The following ZNF473 variants were observed in gnomAD, a reference collection of about 807,000 sequenced individuals.
ZNF473 encodes zinc finger protein 473.
A neutral mutation model predicts 11.1 loss-of-function variants in ZNF473; 4 were observed. The observed-to-expected ratio is 0.36, with a 90% confidence interval of 0.18 to 0.82. The LOEUF (loss-of-function observed/expected upper bound fraction) is 0.82. Among genes scored for constraint, ZNF473 ranks in the 40% least tolerant of loss-of-function variants. The pLI, the probability that ZNF473 is intolerant of heterozygous loss-of-function variation, is 0.49. For synonymous variants in ZNF473, 404 were observed against 390.4 expected (o/e 1.03, Z -0.41); for missense variants, 854 against 1,084.0 (o/e 0.79, Z 2.98).
At chr19:50,038,041 C>T (rs1208038749) in intron 2 of ZNF473, among the ~76,000 whole-genome samples, 6 of 143,922 alleles carry the variant, frequency 4.2e-5, no homozygotes, top group Middle Eastern at 7.4e-3. Context: ...CAGGGTCTCA[C>T]TGTCCCCCAG....
Position 50,030,918 on chromosome 19 carries a change from C to T in ZNF473, c.-165C>T, listed in dbSNP as rs2122802533. The T allele has an allele frequency of 2.1e-6, 2 of 959,698 alleles. No homozygotes were observed. The highest frequency in any genetic ancestry group is 1.6e-5 in the African/African-American group (1 of 61,972). 59.4% of individuals were successfully genotyped at this position (959,698 alleles called of 1,614,324 possible). The stretch of plus-strand genomic sequence containing the variant: ...GAGACTCACATTGGGACTTGTCCTC[C>T]TCCTCCTGGACATTTTGGGGGCTCG... On this transcript the variant is annotated 5_prime_UTR_variant, in exon 2 of 5. Coordinates refer to ENST00000270617, the MANE Select transcript of ZNF473 (RefSeq NM_015428.4).
chr19:50,046,202 G>A lies in ZNF473; in HGVS notation c.1759G>A (p.Gly587Arg). The A allele has an allele frequency of 6.2e-7, 1 of 1,614,142 alleles. No individual in the cohort carries two copies. The highest frequency in any genetic ancestry group is 8.5e-7 in the Non-Finnish European group (1 of 1,180,034). Residue 587 changes from glycine (G) to arginine (R), a missense_variant, in exon 5 of 5, where the codon GGA becomes AGA. Physicochemically the swap from Gly to Arg is moderately radical, Grantham distance 125. Around this residue, in one of 2 missense-constraint regions of ZNF473, gnomAD observed 668 missense variants for 790.2 expected, o/e 0.85. Coordinates refer to ENST00000270617, the MANE Select transcript of ZNF473 (RefSeq NM_015428.4). This position sits in a 1 kb window ranked among gnomAD's most constrained non-coding sequence, Gnocchi z 5.9. ...TCAGCACGAGAGGATTCACACCAGG[G>A]GAGTGAAGCCCTTTGAATGTGACCA... The part of the protein sequence containing the change: ...LTQHERIHTR[G>R]VKPFECDQCG...
At chr19:50,034,342 A>G (rs1249625234) in intron 2 of ZNF473, among the ~76,000 whole-genome samples, 1 of 151,900 alleles carries the variant, frequency 6.6e-6, no homozygotes, top group East Asian at 1.9e-4. Context: ...TGCCCTTCTC[A>G]CCTTCTGTCT....
Position 50,045,436 on chromosome 19 carries a change from G to A in ZNF473, c.993G>A (p.Arg331=), listed in dbSNP as rs756670722. ...ACGAATGCGGCAAGGCTTTTACCCG[G>A]ATCTTCCACCTTACTCGGCACCAGA... ...NCNECGKAFT[R]IFHLTRHQKI... The change falls in exon 5 of 5, where the codon CGG becomes CGA. Residue 331 remains arginine, a synonymous_variant. Transcript: ENST00000270617. The A allele has an allele frequency of 1.9e-6, 3 of 1,613,912 alleles. No individual in the cohort carries two copies. The highest frequency in any genetic ancestry group is 1.7e-5 in the Admixed American group (1 of 59,996).
chr19:50,039,148 T>A lies in ZNF473; in HGVS notation c.10-13T>A. On this transcript the variant is annotated splice_polypyrimidine_tract_variant and intron_variant, in intron 2 of 4. Transcript: ENST00000270617. This position sits in a 1 kb window ranked among gnomAD's most constrained non-coding sequence, Gnocchi z 4.8. ...CCCAGCCTCTGAGTGACCAATAGTG[T>A]ACTGTGTTTCAGGAATTTGTGACCC... 6.2e-7 allele frequency: 1 copy of A among 1,613,814 alleles called. No individual in the cohort carries two copies. Among genetic ancestry groups the A allele is most frequent in the Non-Finnish European group, 8.5e-7 (1 of 1,179,758 alleles).
At chr19:50,036,639 A>G (rs1978464750) in intron 2 of ZNF473, among the ~76,000 whole-genome samples, 1 of 152,046 alleles carries the variant, frequency 6.6e-6, no homozygotes, top group African/African-American at 2.4e-5. Flanking sequence ...GGGGCCTTTA[A>G]GAGATGATTA....
intron 2 of ZNF473, among the ~76,000 whole-genome samples, chr19:50,036,188 G>A (rs986041434): frequency 2.2e-4 from 34 of 151,896 alleles, no homozygotes; most frequent in African/African-American, 8.2e-4. Flanking sequence ...TCAAACTCCT[G>A]AGCTCAAGCA....
rs746517288 is a variant in ZNF473, at chr19:50,046,964, CT to C, written c.2524del (p.Tyr842IlefsTer48). 1 of 1,614,178 alleles carries C rather than the reference CT, an allele frequency of 6.2e-7. No homozygotes were observed. The highest frequency in any genetic ancestry group is 8.5e-7 in the Non-Finnish European group (1 of 1,180,032). On this transcript the variant is annotated frameshift_variant, in exon 5 of 5. Transcript: ENST00000270617. LOFTEE classifies it low-confidence loss of function (END_TRUNC). This position sits in a 1 kb window ranked among gnomAD's most constrained non-coding sequence, Gnocchi z 5.9. ...QHLRVHTQET[L>X]YQCQRCQKAF... is the part of the protein sequence containing the mutation. ...CCTGAGAGTTCACACCCAGGAGACA[CT>C]TTATCAGTGTCAACGTTGCCAGAAA...
rs1196972804 is a variant in ZNF473 at position 50,046,304 on chromosome 19, T to A, written c.1861T>A (p.Trp621Arg). The change falls in exon 5 of 5, where the codon TGG (tryptophan) becomes AGG (arginine). Residue 621 changes from tryptophan (W) to arginine (R), a missense_variant. Physicochemically the swap from Trp to Arg is moderately radical, Grantham distance 101 (BLOSUM62 -3). This residue lies in a region of ZNF473 where 668 missense variants were observed against 790.2 expected (regional missense o/e 0.85). Transcript: ENST00000270617. The surrounding 1 kb of genome is among the most constrained non-coding windows in gnomAD (Gnocchi z 5.9). ...RIHSRVRLYK[W>R]GEQGKAISSA... is the part of the protein sequence containing the mutation. ...CCACTCTAGAGTGAGGCTGTATAAATGGGGTGAGCAAGGGAAAGCCATCAG... is the reference window on the plus strand; with the variant it reads ...CCACTCTAGAGTGAGGCTGTATAAAAGGGGTGAGCAAGGGAAAGCCATCAG... 1 of 1,614,012 alleles carries A rather than the reference T, an allele frequency of 6.2e-7. No individual in the cohort carries two copies. The highest frequency in any genetic ancestry group is 8.5e-7 in the Non-Finnish European group (1 of 1,180,020).
At chr19:50,037,838 A>G (rs1017449474) in intron 2 of ZNF473, among the ~76,000 whole-genome samples, 6 of 150,504 alleles carry the variant, frequency 4.0e-5, no homozygotes, top group African/African-American at 1.5e-4. Flanking sequence ...CTCTCTCTGT[A>G]TATATAATAT....
intron 1 of ZNF473, among the ~76,000 whole-genome samples, chr19:50,029,662 T>C (rs923604026): frequency 3.3e-5 from 5 of 152,226 alleles, no homozygotes; most frequent in African/African-American, 1.2e-4. Flanking sequence ...TGGGTAAAAA[T>C]GTCTGTGGTA....
rs764871414 is a variant in ZNF473, at chr19:50,039,318, C to T, written c.136+31C>T. On this transcript the variant is annotated intron_variant, in intron 3 of 4. Transcript: ENST00000270617. This position sits in a 1 kb window ranked among gnomAD's most constrained non-coding sequence, Gnocchi z 4.8. ...TGTTGCCTGTCCCCAGGGGCCTACTCACTGCCCTGCTTGGTGATCACCCAT... is the reference window on the plus strand; with the variant it reads ...TGTTGCCTGTCCCCAGGGGCCTACTTACTGCCCTGCTTGGTGATCACCCAT... The T allele has an allele frequency of 1.9e-6, 3 of 1,612,566 alleles. No homozygotes were observed. Among genetic ancestry groups the T allele is most frequent in the South Asian group, 2.2e-5 (2 of 90,932 alleles).
At chr19:50,032,217 T>C (rs2077322116) in intron 2 of ZNF473, among the ~76,000 whole-genome samples, 2 of 149,548 alleles carry the variant, frequency 1.3e-5, no homozygotes, top group Non-Finnish European at 3.0e-5. Context: ...AGTCTGGGAG[T>C]GTGAGGAAAG....
intron 1 of ZNF473, among the ~76,000 whole-genome samples, chr19:50,027,965 A>C (rs546732635): frequency 6.6e-6 from 1 of 152,248 alleles, no homozygotes; most frequent in Admixed American, 6.5e-5. Flanking sequence ...CTGGGATGGC[A>C]GGCATGAGCC....
At chr19:50,032,207 A>C (rs1479646472) in intron 2 of ZNF473, among the ~76,000 whole-genome samples, 1 of 150,274 alleles carries the variant, frequency 6.7e-6, no homozygotes, top group Non-Finnish European at 1.5e-5. Flanking sequence ...TGTCCAGCGC[A>C]GTCTGGGAGT....
In ZNF473 at chr19:50,047,064, T is replaced by C; in HGVS notation, c.*5T>C. 5 of 1,598,254 alleles carry C rather than the reference T, an allele frequency of 3.1e-6. No individual in the cohort carries two copies. The highest frequency in any genetic ancestry group is 4.3e-6 in the Non-Finnish European group (5 of 1,168,292). ...AAGCAGCAATACTGCCTGTAGCCAT[T>C]GGGTGGCAGCAGAGTCCCAGAATAT... is the stretch of plus-strand genomic sequence containing the variant. On this transcript the variant is annotated 3_prime_UTR_variant, in exon 5 of 5. Coordinates refer to ENST00000270617, the MANE Select transcript of ZNF473 (RefSeq NM_015428.4).
intron 2 of ZNF473, among the ~76,000 whole-genome samples, chr19:50,038,009 A>ATTTTT (rs11462425): frequency 1.5e-5 from 2 of 134,942 alleles, no homozygotes; most frequent in South Asian, 2.3e-4. Flanking sequence ...ATAGTAGAAA[A>ATTTTT]TTTTTTTTTT....
rs754272640 is a variant in ZNF473 at position 50,045,463 on chromosome 19, G to T, written c.1020G>T (p.Lys340Asn). The part of the protein sequence containing the change: ...TRIFHLTRHQ[K>N]IHTRKRYECS... The stretch of plus-strand genomic sequence containing the variant: ...TCTTCCACCTTACTCGGCACCAGAA[G>T]ATCCACACTCGGAAACGCTATGAGT... The change falls in exon 5 of 5, where the codon AAG becomes AAT. Residue 340 changes from lysine to asparagine, a missense_variant. Around this residue, in one of 2 missense-constraint regions of ZNF473, gnomAD observed 668 missense variants for 790.2 expected, o/e 0.85. Transcript: ENST00000270617. 2 of 1,613,984 alleles carry T rather than the reference G, an allele frequency of 1.2e-6. No homozygotes were observed. Among genetic ancestry groups the T allele is most frequent in the Non-Finnish European group, 1.7e-6 (2 of 1,179,992 alleles).
intron 2 of ZNF473, among the ~76,000 whole-genome samples, chr19:50,033,274 C>T (rs1295416487): frequency 6.6e-6 from 1 of 152,030 alleles, no homozygotes; most frequent in African/African-American, 2.4e-5. Context: ...ACAATCTTGG[C>T]TCTAAGATGG....
Sources: allele counts gnomAD v4.1 joint callset (sites outside exome capture counted in the v4.1 genomes callset), GRCh38; gene constraint gnomAD v4.1.1; regional missense constraint gnomAD v4.1.1; non-coding constraint Gnocchi (gnomAD v3.1); transcripts MANE v1.5; gene names NCBI Gene and HGNC (gene_info 2026-07-23, HGNC 2026-07-21).